The following AKNAD1 variants were observed in gnomAD, a reference collection of about 807,000 sequenced individuals.
The protein encoded by AKNAD1 is protein AKNAD1.
In AKNAD1, 67 loss-of-function variants were observed where a neutral mutation model predicts 90.8. That is an observed-to-expected ratio of 0.74 (90% CI 0.61 to 0.90). The LOEUF (loss-of-function observed/expected upper bound fraction) is 0.90. AKNAD1 is among the 40% of genes least tolerant of loss of function. AKNAD1 has a pLI of 0.00. For missense variants in AKNAD1, 957 were observed against 975.4 expected, an observed-to-expected ratio of 0.98 and a Z score of 0.25; for synonymous variants, 327 against 341.4, an observed-to-expected ratio of 0.96 and a Z score of 0.46.
intron 9 of AKNAD1, among the ~76,000 whole-genome samples, chr1:108,831,179 G>T (rs935668255): frequency 4.6e-5 from 7 of 152,144 alleles, no homozygotes; most frequent in African/African-American, 1.7e-4. Context: ...TTGGTTATAT[G>T]TCCCTCTTTA....
At position 108,817,033 on chromosome 1, in the gene AKNAD1, T is replaced by C; in HGVS notation, c.2379+15A>G. The C allele has an allele frequency of 1.2e-6, 2 of 1,613,448 alleles. No individual in the cohort carries two copies. Among genetic ancestry groups the C allele is most frequent in the Non-Finnish European group, 1.7e-6 (2 of 1,179,720 alleles). On this transcript the variant is annotated intron_variant, in intron 15 of 15. Transcript: ENST00000370001. ...CGAGCTGCAATGCTTCTCGAATGATTTTCTAAGTCCTCACCTCAGATTTTA... is the reference window on the plus strand; with the variant it reads ...CGAGCTGCAATGCTTCTCGAATGATCTTCTAAGTCCTCACCTCAGATTTTA...
chr1:108,855,490 T>TA lies in AKNAD1; in HGVS notation c.-104+1438dup, dbSNP rs71069608. On this transcript the variant is annotated intron_variant, in intron 1 of 15. Coordinates refer to ENST00000370001, the MANE Select transcript of AKNAD1 (RefSeq NM_152763.5). ...ATCTGTAAATAAATATATTTGAAGG[T>TA]AAAAAAAAAAATCAGGCTGGATGAG... 2.3e-3 allele frequency among the ~76,000 whole-genome samples: 321 copies of TA among 138,438 alleles called. 3 individuals carry two copies. The highest frequency in any genetic ancestry group is 4.1e-3 in the Middle Eastern group (1 of 246). The allele number at this position is 138,438 out of a possible 152,430, so 90.8% of individuals were successfully genotyped here.
intron 6 of AKNAD1, among the ~76,000 whole-genome samples, chr1:108,838,696 A>C (rs1664451580): frequency 1.3e-5 from 2 of 152,176 alleles, no homozygotes; most frequent in Non-Finnish European, 2.9e-5. Context: ...TGGAAGTCTG[A>C]AAAACAAATA....
At chr1:108,855,328 A>G (rs757243895) in intron 1 of AKNAD1, among the ~76,000 whole-genome samples, 14 of 152,112 alleles carry the variant, frequency 9.2e-5, no homozygotes, top group Non-Finnish European at 1.6e-4. Flanking sequence ...CAGGAGAATC[A>G]CTTGAACCCG....
intron 14 of AKNAD1, chr1:108,817,482 C>CTTTTTTTTTTTTATTTTTTTTTTTTTT (rs1663650887): frequency 9.7e-6 from 1 of 103,428 alleles, no homozygotes; most frequent in African/African-American, 3.6e-5. Context: ...GGCCAACTTT[C>CTTTTTTTTTTTTATTTTTTTTTTTTTT]TTTTTTTTTT....
At chr1:108,843,079 C>G in intron 6 of AKNAD1, 55 bp downstream of exon 6, 1 of 1,591,268 alleles carries the variant, frequency 6.3e-7, no homozygotes. Flanking sequence ...CAGAATCCCA[C>G]CTGAAGGAGA....
chr1:108,817,368 C>T (rs568177814), intron 14 of AKNAD1, 191 bp from the exon 15 acceptor site: 528 of 538,502 alleles, frequency 9.8e-4, no homozygotes, highest in Non-Finnish European at 1.5e-3. Context: ...TGGTTGTTGC[C>T]ATGACCATGC....
chr1:108,834,901 C>G, intron 8 of AKNAD1, 28 bp downstream of exon 8: 1 of 1,510,236 alleles, frequency 6.6e-7, no homozygotes, highest in Middle Eastern at 2.1e-4. Context: ...TGTCCTGTGT[C>G]TGCTGGGGCT....
In AKNAD1 at chr1:108,837,570, A is replaced by C; in HGVS notation, c.1516T>G (p.Phe506Val). The C allele has an allele frequency of 1.2e-6, 2 of 1,614,148 alleles. No homozygotes were observed. Among genetic ancestry groups the C allele is most frequent in the Non-Finnish European group, 1.7e-6 (2 of 1,180,004 alleles). Residue 506 changes from phenylalanine to valine, a missense_variant, in exon 7 of 16, where the codon TTC becomes GTC. Phe to Val is a conservative substitution (Grantham distance 50). Coordinates refer to ENST00000370001, the MANE Select transcript of AKNAD1 (RefSeq NM_152763.5). The stretch of plus-strand genomic sequence containing the variant: ...ATTACCTCATTTGAGAGTGAAGAGA[A>C]GGTGGAGGCCAAGTCATCCAGGGTA... Reference protein sequence around the residue: ...PVTLDDLASTFSSLSNEIPKE... With the variant: ...PVTLDDLASTVSSLSNEIPKE...
At chr1:108,832,302 A>T (rs1664228209) in intron 9 of AKNAD1, among the ~76,000 whole-genome samples, 1 of 124,642 alleles carries the variant, frequency 8.0e-6, no homozygotes, top group Non-Finnish European at 1.6e-5. Flanking sequence ...TGCAACCTCC[A>T]CCTCCCTCCC....
intron 13 of AKNAD1, 153 bp downstream of exon 13, chr1:108,823,217 T>G: frequency 1.4e-6 from 1 of 732,778 alleles, no homozygotes; most frequent in Non-Finnish European, 2.5e-6. Context: ...AGGGCTGGAT[T>G]TGGAAGTGTC....
chr1:108,836,633 T>C (rs1664395902), intron 7 of AKNAD1: 1 of 152,248 alleles, frequency 6.6e-6, no homozygotes, highest in African/African-American at 2.4e-5. Context: ...ACATAATCTT[T>C]GTCACTTTGT....
chr1:108,838,837 CT>C (rs1570814916), intron 6 of AKNAD1, among the ~76,000 whole-genome samples: 3 of 151,860 alleles, frequency 2.0e-5, no homozygotes, highest in Admixed American at 2.0e-4. Context: ...TTAAAATTCA[CT>C]TTTAAAAAAG....
Position 108,827,586 on chromosome 1 carries a change from G to A in AKNAD1, c.1839-284C>T, listed in dbSNP as rs562914178. On this transcript the variant is annotated intron_variant, in intron 10 of 15. Transcript: ENST00000370001. ...TCCCAGCACTTTGGGAGGCTGAGGC[G>A]GGCGGATCACGAGGTCAGGAGATCG... 2.1e-3 allele frequency among the ~76,000 whole-genome samples: 322 copies of A among 151,270 alleles called. 7 individuals carry two copies. The highest frequency in any genetic ancestry group is 3.6e-3 in the Admixed American group (55 of 15,090).
intron 1 of AKNAD1, among the ~76,000 whole-genome samples, chr1:108,854,125 T>A (rs1217211309): frequency 6.6e-6 from 1 of 152,242 alleles, no homozygotes; most frequent in East Asian, 1.9e-4. Flanking sequence ...ACCAGACTCT[T>A]TGGGGATATT....
intron 10 of AKNAD1, among the ~76,000 whole-genome samples, chr1:108,829,257 TGTCTTTCCA>T (rs1664107329): frequency 6.6e-6 from 1 of 151,568 alleles, no homozygotes; most frequent in South Asian, 2.1e-4. Flanking sequence ...TGGTTGTGCT[TGTCTTTCCA>T]GCTTGTCTAT....
chr1:108,823,907 T>C (rs757944789), intron 11 of AKNAD1, among the ~76,000 whole-genome samples: 7 of 152,222 alleles, frequency 4.6e-5, no homozygotes, highest in Non-Finnish European at 1.0e-4. Flanking sequence ...ATTTCTTGTA[T>C]GAAAATCTCA....
intron 2 of AKNAD1, among the ~76,000 whole-genome samples, chr1:108,849,945 A>C (rs549638126): frequency 3.0e-4 from 46 of 152,310 alleles, no homozygotes; most frequent in African/African-American, 1.0e-3. Context: ...TGAAATGCTG[A>C]AACATTTCTC....
intron 7 of AKNAD1, among the ~76,000 whole-genome samples, chr1:108,836,555 G>T (rs1246955390): frequency 6.6e-6 from 1 of 152,222 alleles, no homozygotes; most frequent in Non-Finnish European, 1.5e-5. Context: ...GGCCTTGAAT[G>T]AGTGAGATTT....
Sources: gnomAD v4.1 joint callset for allele counts (sites outside exome capture counted in the v4.1 genomes callset) on GRCh38, gnomAD v4.1.1 for gene constraint, MANE v1.5 for transcripts, NCBI Gene and HGNC (gene_info 2026-07-23, HGNC 2026-07-21) for gene names.